PKHD1: variants seen among roughly 807,000 people sequenced by gnomAD.
PKHD1 encodes the protein fibrocystin.
Under a neutral mutation model 412.0 loss-of-function variants are expected in PKHD1, and 291 were observed. That is an observed-to-expected ratio of 0.71 (90% CI 0.64 to 0.78). PKHD1 has a LOEUF of 0.78. Among genes scored for constraint, PKHD1 ranks in the 30% least tolerant of loss-of-function variants. PKHD1 has a pLI of 0.00. For missense variants in PKHD1, 4,825 were observed against 4,950.7 expected (o/e 0.97, Z 0.76); for synonymous variants, 1,777 against 1,821.5 (o/e 0.98, Z 0.62).
intron 43 of PKHD1, among the ~76,000 whole-genome samples, chr6:51,900,323 A>T (rs1312978031): frequency 6.6e-6 from 1 of 152,188 alleles, no homozygotes; most frequent in African/African-American, 2.4e-5. Context: ...CAAAACAGAG[A>T]TGTAGATCAA....
chr6:51,698,430 A>G (rs1779049249), intron 60 of PKHD1, among the ~76,000 whole-genome samples: 1 of 152,242 alleles, frequency 6.6e-6, no homozygotes, highest in African/African-American at 2.4e-5. Flanking sequence ...CACTTCAACA[A>G]TGAGATTAAC....
chr6:51,619,407 C>T lies in PKHD1; in HGVS notation c.11899G>A (p.Val3967Met), dbSNP rs754955355. Residue 3967 changes from valine to methionine, a missense_variant, in exon 67 of 67, where the codon GTG (valine) becomes ATG (methionine). By Grantham distance (21) the Val-to-Met change is conservative. Transcript: ENST00000371117. ...RHIVREEEAA[V>M]PAPGTTGITS... ...ATGCCAGTAGTACCAGGAGCAGGCA[C>T]AGCAGCCTCTTCCTCTCGGACAATG... 1.2e-6 allele frequency: 2 copies of T among 1,613,484 alleles called. No individual in the cohort carries two copies. The highest frequency in any genetic ancestry group is 4.5e-5 in the East Asian group (2 of 44,876).
intron 66 of PKHD1, among the ~76,000 whole-genome samples, chr6:51,623,282 TCTTTA>T (rs1766851818): frequency 6.6e-6 from 1 of 152,130 alleles, no homozygotes; most frequent in South Asian, 2.1e-4. Flanking sequence ...TCAAGTCTTC[TCTTTA>T]TACTATTTAA....
chr6:52,028,332 A>T lies in PKHD1; in HGVS notation c.3384T>A (p.Ile1128=), dbSNP rs780946161. 1 of 1,613,828 alleles carries T rather than the reference A, an allele frequency of 6.2e-7. No individual in the cohort carries two copies. Among genetic ancestry groups the T allele is most frequent in the South Asian group, 1.1e-5 (1 of 91,056 alleles). The change falls in exon 30 of 67, where the codon ATT becomes ATA. Residue 1128 remains isoleucine (I), a synonymous_variant. Transcript: ENST00000371117. ...TATAGTTCATCAGCCTCGCCACTCCAATGACCAGGGTCTCACCGCCTGTGT... is the reference window on the plus strand; with the variant it reads ...TATAGTTCATCAGCCTCGCCACTCCTATGACCAGGGTCTCACCGCCTGTGT... ...SNIAGGETLV[I]GVARLMNYTD...
chr6:52,028,241 C>G lies in PKHD1; in HGVS notation c.3475G>C (p.Gly1159Arg). Residue 1159 changes from glycine (G) to arginine (R), a missense_variant, in exon 30 of 67, where the codon GGC becomes CGC. By Grantham distance (125) the Gly-to-Arg change is moderately radical. Coordinates refer to ENST00000371117, the MANE Select transcript of PKHD1 (RefSeq NM_138694.4). ...AGTGGGGGCAGTGCCACCTCCAGGCCCCAAGCCGACTGTGTGTGAACCGGA... is the reference window on the plus strand; with the variant it reads ...AGTGGGGGCAGTGCCACCTCCAGGCGCCAAGCCGACTGTGTGTGAACCGGA... ...LAPVHTQSAW[G>R]LEVALPPLPA... 1 of 1,614,142 alleles carries G rather than the reference C, an allele frequency of 6.2e-7. No homozygotes were observed. The highest frequency in any genetic ancestry group is 1.1e-5 in the South Asian group (1 of 91,084).
chr6:51,722,163 AT>A, intron 60 of PKHD1: 2 of 1,392,856 alleles, frequency 1.4e-6, no homozygotes, highest in South Asian at 2.5e-5. Flanking sequence ...CTCTTTACTC[AT>A]GCCCGCCCTC....
In PKHD1 at chr6:51,946,270, T is replaced by C. The variant is rs77518047; in HGVS notation, c.5909-11948A>G. Among the ~76,000 whole-genome samples the C allele has an allele frequency of 7.5e-3, 1,148 of 152,304 alleles. 12 individuals are homozygous for C. The highest frequency in any genetic ancestry group is 0.031 in the Middle Eastern group (9 of 294). ...GACTAATTAATTAATATGAACATCA[T>C]TAACTCCTGCTAAAAAGCATCCCCA... On this transcript the variant is annotated intron_variant, in intron 36 of 66. Coordinates refer to ENST00000371117, the MANE Select transcript of PKHD1 (RefSeq NM_138694.4).
chr6:51,929,112 T>A (rs1786181078), intron 37 of PKHD1, among the ~76,000 whole-genome samples: 1 of 152,182 alleles, frequency 6.6e-6, no homozygotes, highest in Non-Finnish European at 1.5e-5. Flanking sequence ...TGGAGACTAT[T>A]AATCAGGTGA....
chr6:51,869,504 C>T (rs960723534), intron 47 of PKHD1, among the ~76,000 whole-genome samples: 1 of 151,960 alleles, frequency 6.6e-6, no homozygotes, highest in Admixed American at 6.6e-5. Context: ...TATATTTGTA[C>T]CCCCTAGGTC....
At chr6:51,867,567 A>T (rs1328204431) in intron 48 of PKHD1, among the ~76,000 whole-genome samples, 1 of 152,068 alleles carries the variant, frequency 6.6e-6, no homozygotes, top group Non-Finnish European at 1.5e-5. Flanking sequence ...TATATTTCAA[A>T]CTCTCTGTTG....
At chr6:51,900,317 A>G (rs539942395) in intron 43 of PKHD1, among the ~76,000 whole-genome samples, 78 of 152,364 alleles carry the variant, frequency 5.1e-4, no homozygotes, top group African/African-American at 1.8e-3. Context: ...TGGTACCAAA[A>G]CAGAGATGTA....
intron 55 of PKHD1, among the ~76,000 whole-genome samples, chr6:51,768,792 C>T (rs1789559593): frequency 6.6e-6 from 1 of 151,542 alleles, no homozygotes; most frequent in South Asian, 2.1e-4. Context: ...GAGAGGAATC[C>T]TTTAATGTTT....
chr6:51,688,403 A>G (rs1433506555), intron 60 of PKHD1, among the ~76,000 whole-genome samples: 5 of 152,114 alleles, frequency 3.3e-5, no homozygotes, highest in Admixed American at 2.0e-4. Flanking sequence ...ACAACCTAAT[A>G]TCACAACTAA....
Position 52,042,896 on chromosome 6 carries a change from T to C in PKHD1, c.3060A>G (p.Arg1020=), listed in dbSNP as rs573985690. 8 of 1,613,948 alleles carry C rather than the reference T, an allele frequency of 5.0e-6. No homozygotes were observed. The South Asian group carries it at 8.8e-5, about 18-fold the overall frequency. The change falls in exon 27 of 67, where the codon AGA becomes AGG. Residue 1020 remains arginine, a synonymous_variant. Transcript: ENST00000371117. ...CTCTGGAAGGCTCCACCATATCCAG[T>C]CTAGGTTTCACATTTAGGAAGAGGT... ...GEDLFLNVKP[R]LDMVEPSRAA...
At chr6:52,058,189 A>C in intron 16 of PKHD1, 134 bp downstream of exon 16, 2 of 793,438 alleles carry the variant, frequency 2.5e-6, no homozygotes, top group Non-Finnish European at 4.4e-6. Context: ...ATGCTGTTAA[A>C]GAGATATCCT....
intron 52 of PKHD1, among the ~76,000 whole-genome samples, chr6:51,802,966 T>C (rs1022963047): frequency 4.0e-5 from 5 of 124,574 alleles, no homozygotes; most frequent in Admixed American, 9.0e-5. Flanking sequence ...ATCCTATTTG[T>C]TTGTTAAATA....
chr6:51,827,915 TTGCATTAGAATGGTTCTAA>T (rs1767595707), intron 52 of PKHD1, among the ~76,000 whole-genome samples: 1 of 152,132 alleles, frequency 6.6e-6, no homozygotes, highest in African/African-American at 2.4e-5. Context: ...TAATGGTTCA[TTGCATTAGAATGGTTCTAA>T]TGCAATGGTT....
Position 51,911,869 on chromosome 6 carries a change from G to A in PKHD1, c.6420C>T (p.Thr2140=). 6.2e-7 allele frequency: 1 copy of A among 1,611,576 alleles called. No homozygotes were observed. Among genetic ancestry groups the A allele is most frequent in the Non-Finnish European group, 8.5e-7 (1 of 1,177,944 alleles). ...TCTCATTAGTGAGATTTCCTTGTAT[G>A]GTAATACTCCTGCTGAGCAGAGCCA... ...ATVALLSRSI[T]IQGNLTNERE... is the part of the protein sequence containing the mutation. The change falls in exon 39 of 67, where the codon ACC becomes ACT. Residue 2140 remains threonine, a synonymous_variant. Transcript: ENST00000371117.
At chr6:52,084,175 C>A (rs1204114148) in intron 2 of PKHD1, among the ~76,000 whole-genome samples, 1 of 152,188 alleles carries the variant, frequency 6.6e-6, no homozygotes, top group African/African-American at 2.4e-5. Context: ...GAAAGTGTTA[C>A]CGACAGAATT....
Sources: gnomAD v4.1 joint callset for allele counts (sites outside exome capture counted in the v4.1 genomes callset) on GRCh38, gnomAD v4.1.1 for gene constraint, MANE v1.5 for transcripts, NCBI Gene and HGNC (gene_info 2026-07-23, HGNC 2026-07-21) for gene names.